NLRP14: variants seen among roughly 807,000 people sequenced by gnomAD.
The protein encoded by NLRP14 is NACHT, LRR and PYD domains-containing protein 14.
Under a neutral mutation model 94.7 loss-of-function variants are expected in NLRP14, and 105 were observed. The observed-to-expected ratio is 1.11, with a 90% CI of 0.95 to 1.30. NLRP14 has a LOEUF of 1.30. Among genes scored for constraint, NLRP14 ranks in the 50% most tolerant of loss-of-function variants. The pLI, the probability that NLRP14 is intolerant of heterozygous loss-of-function variation, is 0.00. For missense variants in NLRP14, 1,362 were observed against 1,254.1 expected (o/e 1.09, Z -1.30); for synonymous variants, 508 against 459.9 (o/e 1.10, Z -1.34).
Position 7,042,496 on chromosome 11 carries a change from A to G in NLRP14, c.470A>G (p.Lys157Arg). The change falls in exon 4 of 12, where the codon AAA becomes AGA. Residue 157 changes from lysine (K) to arginine (R), a missense_variant. Physicochemically the swap from Lys to Arg is conservative, Grantham distance 26 (BLOSUM62 2). Coordinates refer to ENST00000299481, the MANE Select transcript of NLRP14 (RefSeq NM_176822.4). The part of the protein sequence containing the change: ...PEDFHHGIAE[K>R]DRKLLEHLFD... ...GATTTCCATCATGGAATTGCAGAGA[A>G]AGATAGAAAACTGTTGGAACACTTG... The G allele has an allele frequency of 6.2e-7, 1 of 1,614,192 alleles. No individual in the cohort carries two copies. The highest frequency in any genetic ancestry group is 8.5e-7 in the Non-Finnish European group (1 of 1,179,972).
At chr11:7,026,162 A>C (rs893260233) in intron 1 of NLRP14, among the ~76,000 whole-genome samples, 5 of 152,204 alleles carry the variant, frequency 3.3e-5, no homozygotes, top group African/African-American at 1.2e-4. Context: ...AATGGGATCT[A>C]ATTAAACTGA....
At chr11:7,044,714 G>A (rs1852325003) in intron 4 of NLRP14, among the ~76,000 whole-genome samples, 1 of 152,150 alleles carries the variant, frequency 6.6e-6, no homozygotes, top group South Asian at 2.1e-4. Flanking sequence ...ATTCCCAGAT[G>A]TATATAAAAT....
chr11:7,021,355 G>T (rs1350530580), intron 1 of NLRP14, among the ~76,000 whole-genome samples: 1 of 152,186 alleles, frequency 6.6e-6, no homozygotes, highest in Non-Finnish European at 1.5e-5. Context: ...GTTTAGCAGG[G>T]GTGGGTGGCC....
At chr11:7,054,204 C>A (rs1043258609) in intron 6 of NLRP14, among the ~76,000 whole-genome samples, 3 of 152,078 alleles carry the variant, frequency 2.0e-5, no homozygotes, top group African/African-American at 4.8e-5. Flanking sequence ...ATCCATTCAC[C>A]TTTTGATGGA....
At chr11:7,064,229 T>C (rs1177520646) in intron 10 of NLRP14, among the ~76,000 whole-genome samples, 1 of 152,106 alleles carries the variant, frequency 6.6e-6, no homozygotes, top group East Asian at 1.9e-4. Flanking sequence ...TGTGTTTGTA[T>C]ACATATGATA....
rs1186732601 is a variant in NLRP14 at position 7,043,327 on chromosome 11, G to T, written c.1301G>T (p.Gly434Val). Residue 434 changes from glycine (G) to valine (V), a missense_variant, in exon 4 of 12, where the codon GGA becomes GTA. Transcript: ENST00000299481. Reference protein sequence around the residue: ...LRRLCQVAAKGIWTMTYVFYR... With the variant: ...LRRLCQVAAKVIWTMTYVFYR... The stretch of plus-strand genomic sequence containing the variant: ...AGACTGTGCCAAGTCGCTGCCAAAG[G>T]AATATGGACTATGACTTACGTGTTT... The T allele has an allele frequency of 6.2e-7, 1 of 1,614,062 alleles. No homozygotes were observed. Among genetic ancestry groups the T allele is most frequent in the East Asian group, 2.2e-5 (1 of 44,894 alleles).
intron 11 of NLRP14, 100 bp downstream of exon 11, chr11:7,070,556 C>A: frequency 1.3e-6 from 1 of 784,292 alleles, no homozygotes; most frequent in Non-Finnish European, 2.2e-6. Flanking sequence ...AATTGTGTAT[C>A]ATTGGGTATT....
chr11:7,045,642 GAACTGTCATTCATT>G (rs2119631036), intron 4 of NLRP14, among the ~76,000 whole-genome samples: 1 of 152,112 alleles, frequency 6.6e-6, no homozygotes, highest in Admixed American at 6.5e-5. Flanking sequence ...CCATCACTAT[GAACTGTCATTCATT>G]CCAATTTAAG....
At chr11:7,035,661 C>A (rs1478668576) in intron 1 of NLRP14, among the ~76,000 whole-genome samples, 1 of 152,182 alleles carries the variant, frequency 6.6e-6, no homozygotes, top group East Asian at 1.9e-4. Flanking sequence ...AAACACCTGG[C>A]TTCCTAGGTC....
chr11:7,035,251 G>A (rs1041986847), intron 1 of NLRP14, among the ~76,000 whole-genome samples: 1 of 152,140 alleles, frequency 6.6e-6, no homozygotes, highest in African/African-American at 2.4e-5. Context: ...AACCCAGGAG[G>A]GAAGGCAGAG....
At chr11:7,077,987 A>G in the NLRP14 span, among the ~76,000 whole-genome samples, 1 of 152,108 alleles carries the variant, frequency 6.6e-6, no homozygotes, top group Non-Finnish European at 1.5e-5. Flanking sequence ...ATGGGTATAG[A>G]GTTTCAGTTT....
rs754647205 is a variant in NLRP14, at chr11:7,042,399, G to A, written c.373G>A (p.Glu125Lys). The change falls in exon 4 of 12, where the codon GAA becomes AAA. Residue 125 changes from glutamate to lysine, a missense_variant. Transcript: ENST00000299481. Reference protein sequence around the residue: ...DQEAVLGDGTEYRNRIKEKFC... With the variant: ...DQEAVLGDGTKYRNRIKEKFC... The stretch of plus-strand genomic sequence containing the variant: ...CCATTCTGACTTAGGTGATGGAACA[G>A]AATACAGAAATAGAATAAAGGAAAA... 3 of 1,613,594 alleles carry A rather than the reference G, an allele frequency of 1.9e-6. No individual in the cohort carries two copies. The African/African-American group carries it at 4.0e-5, about 22-fold the overall frequency.
At chr11:7,024,062 A>T (rs892300730) in intron 1 of NLRP14, among the ~76,000 whole-genome samples, 3 of 152,186 alleles carry the variant, frequency 2.0e-5, no homozygotes, top group African/African-American at 4.8e-5. Context: ...ATGATCTAAC[A>T]TACAAAATTA....
the NLRP14 span, among the ~76,000 whole-genome samples, chr11:7,081,948 C>T: frequency 0.58 from 88,631 of 151,930 alleles, 26,766 homozygotes; most frequent in East Asian, 0.78. Context: ...GTTTGTTTCT[C>T]TGGTGAACAG....
the NLRP14 span, chr11:7,089,880 T>G: frequency 3.7e-6 from 6 of 1,612,666 alleles, no homozygotes; most frequent in Non-Finnish European, 5.1e-6. Flanking sequence ...CGACTGTCCC[T>G]TGAGAGGCTA....
intron 11 of NLRP14, among the ~76,000 whole-genome samples, 177 bp downstream of exon 11, chr11:7,070,633 G>A (rs1852780584): frequency 6.6e-6 from 1 of 152,046 alleles, no homozygotes; most frequent in African/African-American, 2.4e-5. Flanking sequence ...ATAGCATAGT[G>A]GTTAAATATT....
chr11:7,025,139 A>C (rs1565008750), intron 1 of NLRP14, among the ~76,000 whole-genome samples: 1 of 152,216 alleles, frequency 6.6e-6, no homozygotes, highest in East Asian at 1.9e-4. Flanking sequence ...CACACTAGAC[A>C]TAAAAAGGTA....
At chr11:7,054,358 T>C (rs1852488885) in intron 6 of NLRP14, among the ~76,000 whole-genome samples, 1 of 152,114 alleles carries the variant, frequency 6.6e-6, no homozygotes, top group Non-Finnish European at 1.5e-5. Context: ...GTAGCTCTAG[T>C]TTTGGTTTTT....
At chr11:7,040,484 G>T (rs145845048) in intron 3 of NLRP14, among the ~76,000 whole-genome samples, 9 of 152,224 alleles carry the variant, frequency 5.9e-5, no homozygotes, top group African/African-American at 1.9e-4. Flanking sequence ...TCCCTGCCCT[G>T]CCACCCCTGC....
Sources: allele counts gnomAD v4.1 joint callset (sites outside exome capture counted in the v4.1 genomes callset), GRCh38; gene constraint gnomAD v4.1.1; transcripts MANE v1.5; gene names NCBI Gene and HGNC (gene_info 2026-07-23, HGNC 2026-07-21).